Variants in LAMTOR4 observed in about 807,000 individuals in gnomAD.
LAMTOR4 encodes ragulator complex protein LAMTOR4.
LAMTOR4 carries 11 observed loss-of-function variants against 13.5 expected under a neutral mutation model. The ratio of observed to expected loss-of-function variants is 0.82; its 90% CI spans 0.51 to 1.35. The LOEUF is 1.35. Ranked by LOEUF, LAMTOR4 falls within the 40% of genes most tolerant of loss-of-function variation. The pLI, the probability that LAMTOR4 is intolerant of heterozygous loss-of-function variation, is 0.00. For synonymous variants in LAMTOR4, 69 were observed against 52.3 expected (o/e 1.32, Z -1.38); for missense variants, 128 against 126.2 (o/e 1.01, Z -0.07).
chr7:100,150,258 G>C (rs1437695881), intron 2 of LAMTOR4, among the ~76,000 whole-genome samples: 1 of 152,192 alleles, frequency 6.6e-6, no homozygotes, highest in African/African-American at 2.4e-5. Flanking sequence ...TTTTGACTTA[G>C]GTAGAGACAA....
At position 100,153,398 on chromosome 7, in the gene LAMTOR4, A is replaced by G. The variant is rs1293664944; in HGVS notation, c.85-2A>G. Reference sequence around the variant, plus strand: ...CCCTCTCCCTCCTCCGTCTGCATGCAGTCATCTGGGGACCTGGAGAATGAT... The same window carrying G: ...CCCTCTCCCTCCTCCGTCTGCATGCGGTCATCTGGGGACCTGGAGAATGAT... On this transcript the variant is annotated splice_acceptor_variant, in intron 2 of 3. Transcript: ENST00000341942. LOFTEE classifies it high-confidence loss of function. 6.2e-7 allele frequency: 1 copy of G among 1,602,808 alleles called. No homozygotes were observed. Among genetic ancestry groups the G allele is most frequent in the Non-Finnish European group, 8.5e-7 (1 of 1,172,150 alleles).
chr7:100,149,125 G>A, intron 1 of LAMTOR4, 150 bp downstream of exon 1: 2 of 1,019,832 alleles, frequency 2.0e-6, no homozygotes, highest in Non-Finnish European at 2.9e-6. Flanking sequence ...GAGGGATGGC[G>A]ACGAGAATGC....
chr7:100,151,290 G>C (rs1459832712), intron 2 of LAMTOR4, among the ~76,000 whole-genome samples: 1 of 151,934 alleles, frequency 6.6e-6, no homozygotes, highest in Non-Finnish European at 1.5e-5. Flanking sequence ...GGCCGGGCTG[G>C]TCTCGAACTC....
chr7:100,151,507 G>A (rs1396556135), intron 2 of LAMTOR4, among the ~76,000 whole-genome samples: 6 of 151,750 alleles, frequency 4.0e-5, no homozygotes, highest in African/African-American at 1.2e-4. Flanking sequence ...TCCTGCCTCA[G>A]CCTCCCTAGT....
intron 3 of LAMTOR4, 120 bp downstream of exon 3, chr7:100,153,637 T>G: frequency 1.1e-6 from 1 of 937,620 alleles, no homozygotes; most frequent in Non-Finnish European, 1.7e-6. Context: ...TCTGGCCACT[T>G]TCCTCCCTTT....
rs1798814114 is a variant in LAMTOR4 at position 100,154,150 on chromosome 7, G to A, written c.*186G>A. 5.1e-6 allele frequency: 3 copies of A among 584,122 alleles called. No homozygotes were observed. In the Admixed American group the frequency reaches 8.7e-5, roughly 17 times the overall value. The allele number at this position is 584,122 out of a possible 1,614,324, so 36.2% of individuals were successfully genotyped here. On this transcript the variant is annotated 3_prime_UTR_variant, in exon 4 of 4. Coordinates refer to ENST00000341942, the MANE Select transcript of LAMTOR4 (RefSeq NM_001008395.4). ...GTGTTAAGGAGAACAAGGGCAAGGA[G>A]ACCTCCCTTTGTGCTCCCTCACTCC... is the stretch of plus-strand genomic sequence containing the variant.
At chr7:100,153,175 T>TG (rs1798759394) in intron 2 of LAMTOR4, among the ~76,000 whole-genome samples, 2 of 150,716 alleles carry the variant, frequency 1.3e-5, no homozygotes, top group Middle Eastern at 3.5e-3. Flanking sequence ...GATGGATAAG[T>TG]TACTGCTCAT....
chr7:100,150,284 G>C (rs973522809), intron 2 of LAMTOR4, among the ~76,000 whole-genome samples: 1 of 152,216 alleles, frequency 6.6e-6, no homozygotes, highest in South Asian at 2.1e-4. Context: ...AAGGTTAAGG[G>C]TTGAAAACAA....
chr7:100,153,394 A>C lies in LAMTOR4; in HGVS notation c.85-6A>C. Reference sequence around the variant, plus strand: ...CCGCCCCTCTCCCTCCTCCGTCTGCATGCAGTCATCTGGGGACCTGGAGAA... The same window carrying C: ...CCGCCCCTCTCCCTCCTCCGTCTGCCTGCAGTCATCTGGGGACCTGGAGAA... On this transcript the variant is annotated splice_region_variant and splice_polypyrimidine_tract_variant and intron_variant, in intron 2 of 3. Transcript: ENST00000341942. 1 of 1,598,214 alleles carries C rather than the reference A, an allele frequency of 6.3e-7. No homozygotes were observed. Among genetic ancestry groups the C allele is most frequent in the Non-Finnish European group, 8.6e-7 (1 of 1,168,400 alleles).
At position 100,153,962 on chromosome 7, in the gene LAMTOR4, T is replaced by A. The variant is rs747508961; in HGVS notation, c.298T>A (p.Ter100ArgextTer?). 6.3e-7 allele frequency: 1 copy of A among 1,581,136 alleles called. No individual in the cohort carries two copies. The highest frequency in any genetic ancestry group is 1.3e-5 in the African/African-American group (1 of 74,632). ...CCGAGGTCGGGAGCCCATTGATGTC[T>A]GAGCCTGCCGGAGGGCGAGGGTCGG... ...QNRGREPIDV[*>R] Residue 100 changes from the stop codon to arginine (R), a stop_lost, in exon 4 of 4, where the codon TGA becomes AGA. Transcript: ENST00000341942.
At chr7:100,151,319 C>T (rs1025673206) in intron 2 of LAMTOR4, among the ~76,000 whole-genome samples, 6 of 151,454 alleles carry the variant, frequency 4.0e-5, no homozygotes, top group African/African-American at 1.5e-4. Context: ...ATGATTTGCC[C>T]GCCTCAGCCT....
In LAMTOR4 at chr7:100,153,914, G is replaced by A; in HGVS notation, c.250G>A (p.Val84Met). 5 of 1,595,928 alleles carry A rather than the reference G, an allele frequency of 3.1e-6. No individual in the cohort carries two copies. Among genetic ancestry groups the A allele is most frequent in the Non-Finnish European group, 4.3e-6 (5 of 1,171,954 alleles). ...TLLVTVSGQR[V>M]FVVKRQNRGR... Reference sequence around the variant, plus strand: ...GCTGGTGACGGTGTCAGGACAGAGGGTGTTTGTGGTGAAGAGGCAGAACCG... The same window carrying A: ...GCTGGTGACGGTGTCAGGACAGAGGATGTTTGTGGTGAAGAGGCAGAACCG... Residue 84 changes from valine (V) to methionine (M), a missense_variant, in exon 4 of 4, where the codon GTG (valine) becomes ATG (methionine). By Grantham distance (21) the Val-to-Met change is conservative (BLOSUM62 1). Transcript: ENST00000341942.
intron 2 of LAMTOR4, among the ~76,000 whole-genome samples, chr7:100,152,189 C>T (rs1798725065): frequency 6.6e-6 from 1 of 152,136 alleles, no homozygotes; most frequent in Non-Finnish European, 1.5e-5. Flanking sequence ...GTGGGTGGAT[C>T]ACTTGAGGTT....
rs771912815 is a variant in LAMTOR4, at chr7:100,153,525, C to G, written c.202+8C>G. ...CCTTCAAGCGCCTGTCTGGTGAGCCCCTGCCCCTGCCCTTGGTGGTGGTAC... is the reference window on the plus strand; with the variant it reads ...CCTTCAAGCGCCTGTCTGGTGAGCCGCTGCCCCTGCCCTTGGTGGTGGTAC... On this transcript the variant is annotated splice_region_variant and intron_variant, in intron 3 of 3. Coordinates refer to ENST00000341942, the MANE Select transcript of LAMTOR4 (RefSeq NM_001008395.4). 1 of 1,602,636 alleles carries G rather than the reference C, an allele frequency of 6.2e-7. No homozygotes were observed. Among genetic ancestry groups the G allele is most frequent in the South Asian group, 1.1e-5 (1 of 91,038 alleles).
rs769378336 is a variant in LAMTOR4 at position 100,154,085 on chromosome 7, A to G, written c.*121A>G. ...AGGGCCTTCTGCTCGCCCACCTCCC[A>G]CCCCTACCTGGACGGGCCCAGGCTT... On this transcript the variant is annotated 3_prime_UTR_variant, in exon 4 of 4. Coordinates refer to ENST00000341942, the MANE Select transcript of LAMTOR4 (RefSeq NM_001008395.4). The G allele has an allele frequency of 2.3e-5, 17 of 744,512 alleles. No individual in the cohort carries two copies. Among genetic ancestry groups the G allele is most frequent in the South Asian group, 4.8e-5 (3 of 61,952 alleles). 46.1% of individuals were successfully genotyped at this position (744,512 alleles called of 1,614,324 possible).
Position 100,153,487 on chromosome 7 carries a change from G to A in LAMTOR4, c.172G>A (p.Gly58Ser), listed in dbSNP as rs777383874. The change falls in exon 3 of 4, where the codon GGC becomes AGC. Residue 58 changes from glycine to serine, a missense_variant. Transcript: ENST00000341942. ...STACGFRLHR[G>S]MNVPFKRLSV... is the part of the protein sequence containing the mutation. ...AGCCTGCGGTTTCCGGCTGCACCGC[G>A]GCATGAATGTGCCCTTCAAGCGCCT... 2.9e-5 allele frequency: 47 copies of A among 1,608,694 alleles called. No individual in the cohort carries two copies. Among genetic ancestry groups the A allele is most frequent in the East Asian group, 8.9e-5 (4 of 44,890 alleles).
In LAMTOR4 at chr7:100,153,959, G is replaced by A; in HGVS notation, c.295G>A (p.Val99Ile). 6.3e-7 allele frequency: 1 copy of A among 1,582,684 alleles called. No homozygotes were observed. Among genetic ancestry groups the A allele is most frequent in the Non-Finnish European group, 8.6e-7 (1 of 1,164,520 alleles). Reference sequence around the variant, plus strand: ...GAACCGAGGTCGGGAGCCCATTGATGTCTGAGCCTGCCGGAGGGCGAGGGT... The same window carrying A: ...GAACCGAGGTCGGGAGCCCATTGATATCTGAGCCTGCCGGAGGGCGAGGGT... The part of the protein sequence containing the change: ...RQNRGREPID[V>I] Residue 99 changes from valine to isoleucine, a missense_variant, in exon 4 of 4, where the codon GTC (valine) becomes ATC (isoleucine). Transcript: ENST00000341942.
Position 100,149,582 on chromosome 7 carries a change from G to A in LAMTOR4, c.84+3G>A. ...TGAGTGAAGGTGCAGTGCTGGCGGT[G>A]CGTTCTGGGAAAGGGAGGGGGTCCC... is the stretch of plus-strand genomic sequence containing the variant. On this transcript the variant is annotated splice_donor_region_variant and intron_variant, in intron 2 of 3. Transcript: ENST00000341942. 1.2e-6 allele frequency: 2 copies of A among 1,613,270 alleles called. No individual in the cohort carries two copies. Among genetic ancestry groups the A allele is most frequent in the Non-Finnish European group, 8.5e-7 (1 of 1,179,310 alleles).
chr7:100,153,818 G>C, intron 3 of LAMTOR4, 49 bp from the exon 4 acceptor site: 1 of 1,359,840 alleles, frequency 7.4e-7, no homozygotes, highest in East Asian at 2.5e-5. Context: ...CACTAACTCT[G>C]TGCTCCCTTC....
Sources: allele counts gnomAD v4.1 joint callset (sites outside exome capture counted in the v4.1 genomes callset), GRCh38; gene constraint gnomAD v4.1.1; transcripts MANE v1.5; gene names NCBI Gene and HGNC (gene_info 2026-07-23, HGNC 2026-07-21).